The following LANCL2 variants were observed in gnomAD, a reference collection of about 807,000 sequenced individuals.
LANCL2 encodes lanC-like protein 2.
In LANCL2, 33 loss-of-function variants were observed where a neutral mutation model predicts 56.9. The observed-to-expected ratio is 0.58, with a 90% CI of 0.44 to 0.78. The LOEUF is 0.78. Among genes scored for constraint, LANCL2 ranks in the 30% least tolerant of loss-of-function variants. The probability of loss-of-function intolerance (pLI) is 0.00; values close to 1 mark genes in which losing one functional copy is unlikely to be tolerated. For missense variants in LANCL2, 562 were observed against 580.2 expected, an observed-to-expected ratio of 0.97 and a Z score of 0.32; for synonymous variants, 233 against 228.2, an observed-to-expected ratio of 1.02 and a Z score of -0.19.
chr7:55,418,916 T>C (rs1398118876), intron 6 of LANCL2, among the ~76,000 whole-genome samples: 1 of 152,204 alleles, frequency 6.6e-6, no homozygotes, highest in Non-Finnish European at 1.5e-5. Context: ...ATGGTGATTT[T>C]ACATTGATTG....
chr7:55,395,980 A>G (rs1047475696), intron 2 of LANCL2, among the ~76,000 whole-genome samples: 19 of 152,276 alleles, frequency 1.2e-4, no homozygotes, highest in Admixed American at 1.2e-3. Context: ...GCAAAGCTGT[A>G]CAGCATTACT....
intron 1 of LANCL2, among the ~76,000 whole-genome samples, chr7:55,381,357 A>G (rs1459886231): frequency 2.0e-5 from 3 of 152,182 alleles, no homozygotes; most frequent in Non-Finnish European, 4.4e-5. Flanking sequence ...GGCTGATGAG[A>G]TAATGAGGAA....
At chr7:55,428,578 A>G in intron 8 of LANCL2, 131 bp downstream of exon 8, 2 of 704,618 alleles carry the variant, frequency 2.8e-6, no homozygotes, top group Non-Finnish European at 5.1e-6. Context: ...TCAGCAGAGT[A>G]GCTTATTGCT....
At chr7:55,418,834 T>G (rs927715553) in intron 6 of LANCL2, among the ~76,000 whole-genome samples, 2 of 152,074 alleles carry the variant, frequency 1.3e-5, no homozygotes, top group African/African-American at 4.8e-5. Flanking sequence ...TGAAGGGATG[T>G]TGAATTTTGT....
intron 2 of LANCL2, among the ~76,000 whole-genome samples, chr7:55,394,804 A>C (rs1473904449): frequency 7.4e-6 from 1 of 135,774 alleles, no homozygotes; most frequent in Non-Finnish European, 1.5e-5. Context: ...CTCAGTGGGA[A>C]CTTCTGTGGG....
chr7:55,416,004 C>T (rs1315347748), intron 6 of LANCL2, among the ~76,000 whole-genome samples: 1 of 152,130 alleles, frequency 6.6e-6, no homozygotes, highest in African/African-American at 2.4e-5. Flanking sequence ...TCTAGAGACA[C>T]ATGTCTTCAT....
At chr7:55,428,513 C>T (rs566120470) in intron 8 of LANCL2, 66 bp downstream of exon 8, 2 of 1,271,930 alleles carry the variant, frequency 1.6e-6, no homozygotes, top group African/African-American at 2.9e-5. Context: ...CCCTTGTGGA[C>T]TGGCACTGTT....
At chr7:55,375,118 CTATT>C (rs1176238604) in intron 1 of LANCL2, among the ~76,000 whole-genome samples, 1 of 152,136 alleles carries the variant, frequency 6.6e-6, no homozygotes, top group Non-Finnish European at 1.5e-5. Flanking sequence ...TTCTTAGGAG[CTATT>C]TATTATGTGC....
Position 55,365,963 on chromosome 7 carries a change from G to A in LANCL2, c.-63G>A, listed in dbSNP as rs1055790628. 108 of 1,284,378 alleles carry A rather than the reference G, an allele frequency of 8.4e-5. 1 individual carries two copies. The highest frequency in any genetic ancestry group is 3.8e-5 in the Admixed American group (1 of 26,322). The allele number at this position is 1,284,378 out of a possible 1,614,324, so 79.6% of individuals were successfully genotyped here. A position where few individuals can be genotyped will look rare whatever the true frequency, so the allele number is the denominator to read the frequency against. On this transcript the variant is annotated 5_prime_UTR_variant, in exon 1 of 9. Coordinates refer to ENST00000254770, the MANE Select transcript of LANCL2 (RefSeq NM_018697.4). ...GCGGGCCCTCGGAGGAGGCGGCGGC[G>A]GGGCGAGCTGCAGCGCCGGGACAGG...
intron 7 of LANCL2, among the ~76,000 whole-genome samples, chr7:55,425,833 C>T (rs900147530): frequency 6.6e-6 from 1 of 152,174 alleles, no homozygotes; most frequent in Non-Finnish European, 1.5e-5. Context: ...TTGTAATCGT[C>T]CTGCCAAAAC....
intron 1 of LANCL2, among the ~76,000 whole-genome samples, chr7:55,387,117 A>G (rs1028084855): frequency 1.3e-5 from 2 of 152,190 alleles, no homozygotes; most frequent in Middle Eastern, 3.2e-3. Flanking sequence ...AGGGGTGTCC[A>G]TTTAGTTAAC....
At position 55,432,326 on chromosome 7, in the gene LANCL2, CTATTTTT is replaced by C. The variant is rs1455987921; in HGVS notation, c.*1008_*1014del. The C allele has an allele frequency of 6.6e-6, 1 of 152,122 alleles. No individual in the cohort carries two copies. Among genetic ancestry groups the C allele is most frequent in the East Asian group, 1.9e-4 (1 of 5,196 alleles). The allele number at this position is 152,122 out of a possible 1,614,324, so 9.4% of individuals were successfully genotyped here. ...TCTAAATTTGGAATGAATGCATTTC[CTATTTTT>C]TGTCTACTTTTGGGTGATAAAAAGT... is the stretch of plus-strand genomic sequence containing the variant. On this transcript the variant is annotated 3_prime_UTR_variant, in exon 9 of 9. Transcript: ENST00000254770.
intron 1 of LANCL2, among the ~76,000 whole-genome samples, chr7:55,381,778 T>G (rs1165055891): frequency 6.6e-6 from 1 of 152,256 alleles, no homozygotes; most frequent in Non-Finnish European, 1.5e-5. Context: ...CTCACACAGA[T>G]GGCTTAACAA....
chr7:55,415,195 A>G (rs1157855687), intron 6 of LANCL2, among the ~76,000 whole-genome samples: 1 of 152,172 alleles, frequency 6.6e-6, no homozygotes, highest in Non-Finnish European at 1.5e-5. Context: ...GTAAACAAAT[A>G]CATTTGTTAA....
At chr7:55,409,199 C>T (rs1323943772) in intron 5 of LANCL2, among the ~76,000 whole-genome samples, 2 of 151,066 alleles carry the variant, frequency 1.3e-5, no homozygotes, top group Non-Finnish European at 3.0e-5. Flanking sequence ...TGCCATTCTC[C>T]TGCCTCAACT....
At chr7:55,403,541 T>C (rs1790367937) in intron 5 of LANCL2, among the ~76,000 whole-genome samples, 2 of 151,050 alleles carry the variant, frequency 1.3e-5, no homozygotes, top group Admixed American at 1.3e-4. Flanking sequence ...TTCCCCACAC[T>C]TTTCTGGGTT....
At chr7:55,369,129 C>T (rs932516277) in intron 1 of LANCL2, among the ~76,000 whole-genome samples, 1 of 152,182 alleles carries the variant, frequency 6.6e-6, no homozygotes, top group Non-Finnish European at 1.5e-5. Context: ...TGACAGAGAG[C>T]ATGGCCCTGT....
intron 2 of LANCL2, among the ~76,000 whole-genome samples, chr7:55,397,560 G>A (rs1790269180): frequency 6.7e-6 from 1 of 149,874 alleles, no homozygotes; most frequent in Non-Finnish European, 1.5e-5. Flanking sequence ...ACTTAAACAT[G>A]AAAGAAATAT....
At chr7:55,366,894 AGT>A (rs1789880720) in intron 1 of LANCL2, among the ~76,000 whole-genome samples, 1 of 152,218 alleles carries the variant, frequency 6.6e-6, no homozygotes, top group Non-Finnish European at 1.5e-5. Flanking sequence ...GGGAGAGTAA[AGT>A]GTGCGGGGAG....
Sources: allele counts gnomAD v4.1 joint callset (sites outside exome capture counted in the v4.1 genomes callset), GRCh38; gene constraint gnomAD v4.1.1; transcripts MANE v1.5; gene names NCBI Gene and HGNC (gene_info 2026-07-23, HGNC 2026-07-21).